The following TACR1 variants were observed in gnomAD, a reference collection of about 807,000 sequenced individuals.
The protein encoded by TACR1 is substance-P receptor.
TACR1 carries 25 observed loss-of-function variants against 35.8 expected under a neutral mutation model. The observed-to-expected ratio is 0.70, with a 90% confidence interval of 0.51 to 0.98. The LOEUF (loss-of-function observed/expected upper bound fraction) is 0.98. TACR1 is among the 50% of genes least tolerant of loss of function. The pLI is 0.00. For synonymous variants in TACR1, 195 were observed against 206.7 expected (o/e 0.94, Z 0.48); for missense variants, 478 against 522.9 (o/e 0.91, Z 0.84).
chr2:75,195,402 T>A (rs935232266), intron 1 of TACR1, among the ~76,000 whole-genome samples: 1 of 122,102 alleles, frequency 8.2e-6, no homozygotes, highest in Admixed American at 7.3e-5. Flanking sequence ...TCCCTTCCTT[T>A]CCCCCCATCC....
At chr2:75,150,427 T>C (rs982930421) in intron 1 of TACR1, among the ~76,000 whole-genome samples, 1 of 152,160 alleles carries the variant, frequency 6.6e-6, no homozygotes. Flanking sequence ...GGGCCTGTCT[T>C]TCCCATGCTT....
At chr2:75,103,598 A>G (rs1673584425) in intron 2 of TACR1, among the ~76,000 whole-genome samples, 1 of 152,104 alleles carries the variant, frequency 6.6e-6, no homozygotes, top group Non-Finnish European at 1.5e-5. Context: ...TATGTAAATG[A>G]TGGAGAAGAG....
Position 75,162,081 on chromosome 2 carries a change from G to C in TACR1, c.389+36465C>G, listed in dbSNP as rs374841638. On this transcript the variant is annotated intron_variant, in intron 1 of 4. Transcript: ENST00000305249. The stretch of plus-strand genomic sequence containing the variant: ...AAAAAAAAGAAGTGAGTCTGTGTTG[G>C]GGGGAGGGGAAATGTTGGAAACCTT... Among the ~76,000 whole-genome samples the C allele has an allele frequency of 6.6e-5, 10 of 150,988 alleles. No individual in the cohort carries two copies. The South Asian group carries it at 1.3e-3, about 19-fold the overall frequency.
At chr2:75,123,023 A>T (rs990025833) in intron 1 of TACR1, among the ~76,000 whole-genome samples, 1 of 152,172 alleles carries the variant, frequency 6.6e-6, no homozygotes, top group Non-Finnish European at 1.5e-5. Context: ...ATCAGAGCCA[A>T]CACATGTGGG....
intron 2 of TACR1, among the ~76,000 whole-genome samples, chr2:75,104,096 C>T (rs1163881460): frequency 6.6e-6 from 1 of 151,982 alleles, no homozygotes; most frequent in East Asian, 1.9e-4. Flanking sequence ...GAATTAAATT[C>T]TCCAATCAAA....
At chr2:75,085,970 T>C (rs971657834) in intron 2 of TACR1, among the ~76,000 whole-genome samples, 10 of 152,226 alleles carry the variant, frequency 6.6e-5, no homozygotes, top group African/African-American at 2.4e-4. Flanking sequence ...CTACCCAGTA[T>C]AGAATTTAAT....
intron 1 of TACR1, among the ~76,000 whole-genome samples, chr2:75,194,257 A>C (rs530310698): frequency 3.3e-5 from 5 of 152,302 alleles, no homozygotes; most frequent in African/African-American, 1.2e-4. Flanking sequence ...GACCCATCTG[A>C]GAATTAACAA....
At chr2:75,061,555 C>T (rs568993138) in intron 2 of TACR1, among the ~76,000 whole-genome samples, 75 of 152,272 alleles carry the variant, frequency 4.9e-4, no homozygotes, top group African/African-American at 1.8e-3. Flanking sequence ...ACCCAGTCTT[C>T]CCTGGGTTAT....
At chr2:75,142,624 T>G (rs762754559) in intron 1 of TACR1, among the ~76,000 whole-genome samples, 1 of 151,940 alleles carries the variant, frequency 6.6e-6, no homozygotes, top group Non-Finnish European at 1.5e-5. Context: ...ATAAGACAAA[T>G]AAGGAATTTA....
At chr2:75,157,669 A>G (rs1361247530) in intron 1 of TACR1, among the ~76,000 whole-genome samples, 1 of 152,182 alleles carries the variant, frequency 6.6e-6, no homozygotes, top group Non-Finnish European at 1.5e-5. Flanking sequence ...CACTAGATGG[A>G]ACTGTTCCTC....
chr2:75,105,975 A>G (rs1339084570), intron 2 of TACR1, among the ~76,000 whole-genome samples: 2 of 152,070 alleles, frequency 1.3e-5, no homozygotes, highest in African/African-American at 4.8e-5. Flanking sequence ...CAGGAAAAAG[A>G]CACTAAAGAA....
chr2:75,124,330 A>T (rs1674030371), intron 1 of TACR1, among the ~76,000 whole-genome samples: 1 of 152,240 alleles, frequency 6.6e-6, no homozygotes, highest in Non-Finnish European at 1.5e-5. Flanking sequence ...CAGTATCTTC[A>T]TAACTTCCTG....
intron 1 of TACR1, chr2:75,187,498 C>T (rs1425501041): frequency 2.6e-5 from 4 of 152,194 alleles, no homozygotes; most frequent in African/African-American, 4.8e-5. Flanking sequence ...GGCACAGTTC[C>T]GAGGTCTAAG....
intron 2 of TACR1, among the ~76,000 whole-genome samples, chr2:75,091,096 C>T (rs1489354356): frequency 2.7e-5 from 4 of 149,960 alleles, no homozygotes; most frequent in Non-Finnish European, 5.9e-5. Context: ...TGCATCAATT[C>T]TACCTCCTTC....
intron 1 of TACR1, among the ~76,000 whole-genome samples, chr2:75,163,277 T>C (rs557340188): frequency 6.6e-6 from 1 of 152,340 alleles, no homozygotes; most frequent in African/African-American, 2.4e-5. Context: ...TGGCAACTTT[T>C]ATCAATTTTT....
chr2:75,137,444 G>A (rs1044280329), intron 1 of TACR1, among the ~76,000 whole-genome samples: 18 of 151,872 alleles, frequency 1.2e-4, no homozygotes, highest in South Asian at 4.2e-4. Context: ...TCCAGCTGTC[G>A]GCAGGGCATG....
chr2:75,127,910 A>C (rs974413620), intron 1 of TACR1, among the ~76,000 whole-genome samples: 1 of 152,214 alleles, frequency 6.6e-6, no homozygotes, highest in Admixed American at 6.5e-5. Context: ...TCTTGGAGAT[A>C]ATCATAACCA....
chr2:75,074,290 G>T (rs920567337), intron 2 of TACR1, among the ~76,000 whole-genome samples: 1 of 152,174 alleles, frequency 6.6e-6, no homozygotes, highest in Non-Finnish European at 1.5e-5. Context: ...GCAAAGGAGA[G>T]AAATTGACAA....
intron 1 of TACR1, among the ~76,000 whole-genome samples, chr2:75,171,011 G>T (rs986412269): frequency 3.9e-5 from 6 of 152,216 alleles, no homozygotes; most frequent in South Asian, 2.1e-4. Context: ...GCCGGCTGCA[G>T]AAATTTGCAT....
Sources: allele counts gnomAD v4.1 joint callset (sites outside exome capture counted in the v4.1 genomes callset), GRCh38; gene constraint gnomAD v4.1.1; transcripts MANE v1.5; gene names NCBI Gene and HGNC (gene_info 2026-07-23, HGNC 2026-07-21).